Variants in RALGAPA2 observed in about 807,000 individuals in gnomAD.
RALGAPA2 encodes Ral GTPase activating protein catalytic subunit alpha 2.
A neutral mutation model predicts 230.4 loss-of-function variants in RALGAPA2; 139 were observed. The observed-to-expected ratio is 0.60, with a 90% CI of 0.53 to 0.69. The LOEUF is 0.69. Among genes scored for constraint, RALGAPA2 ranks in the 30% least tolerant of loss-of-function variants. The pLI, the probability that RALGAPA2 is intolerant of heterozygous loss-of-function variation, is 0.00. For synonymous variants in RALGAPA2, 847 were observed against 837.8 expected, an observed-to-expected ratio of 1.01 and a Z score of -0.19; for missense variants, 2,163 against 2,276.0, an observed-to-expected ratio of 0.95 and a Z score of 1.01.
At chr20:20,424,865 G>A (rs932120843) in intron 37 of RALGAPA2, among the ~76,000 whole-genome samples, 1 of 150,526 alleles carries the variant, frequency 6.6e-6, no homozygotes, top group Non-Finnish European at 1.5e-5. Flanking sequence ...TTGTGGCAAA[G>A]TATAAAAAGA....
chr20:20,507,281 TAA>T (rs2062562059), intron 33 of RALGAPA2, among the ~76,000 whole-genome samples: 1 of 152,252 alleles, frequency 6.6e-6, no homozygotes, highest in Non-Finnish European at 1.5e-5. Flanking sequence ...GCTTTCATTT[TAA>T]AAGACATTTT....
intron 37 of RALGAPA2, among the ~76,000 whole-genome samples, chr20:20,418,986 C>T (rs891035190): frequency 7.2e-5 from 11 of 152,186 alleles, no homozygotes; most frequent in African/African-American, 2.4e-4. Context: ...GTGATCCTTC[C>T]ACCTCAGCCT....
intron 37 of RALGAPA2, among the ~76,000 whole-genome samples, chr20:20,422,879 T>C (rs947786106): frequency 2.6e-5 from 4 of 152,158 alleles, no homozygotes; most frequent in South Asian, 4.1e-4. Flanking sequence ...AGGAAGCTGG[T>C]GGGTGGAGCG....
chr20:20,660,984 A>C (rs1161749016), intron 3 of RALGAPA2, among the ~76,000 whole-genome samples: 1 of 152,174 alleles, frequency 6.6e-6, no homozygotes, highest in Non-Finnish European at 1.5e-5. Flanking sequence ...GCCCTGTTTA[A>C]ATGTGTAAAA....
chr20:20,513,040 GGGTGTCTGAA>G lies in RALGAPA2; in HGVS notation c.4319_4328del (p.Leu1440ProfsTer6). On this transcript the variant is annotated frameshift_variant, in exon 32 of 40. Transcript: ENST00000202677. LOFTEE classifies it high-confidence loss of function. ...GTGATCCCCCTACCGGTCCTTCTGT[GGGTGTCTGAA>G]GGTAGGAGATGAGGGTGCTATCATT... is the stretch of plus-strand genomic sequence containing the variant. 6.2e-7 allele frequency: 1 copy of G among 1,612,480 alleles called. No individual in the cohort carries two copies. The highest frequency in any genetic ancestry group is 8.5e-7 in the Non-Finnish European group (1 of 1,179,320).
intron 27 of RALGAPA2, among the ~76,000 whole-genome samples, chr20:20,529,481 A>T (rs2063314331): frequency 6.6e-6 from 1 of 152,232 alleles, no homozygotes; most frequent in African/African-American, 2.4e-5. Context: ...AGAAATATAT[A>T]TACAGTCATG....
chr20:20,622,896 T>A (rs1169245332), intron 10 of RALGAPA2, among the ~76,000 whole-genome samples: 2 of 152,174 alleles, frequency 1.3e-5, no homozygotes, highest in African/African-American at 2.4e-5. Context: ...TTCATAATAA[T>A]AACAATGGCA....
chr20:20,425,928 C>T (rs899294223), intron 37 of RALGAPA2, among the ~76,000 whole-genome samples: 2 of 152,204 alleles, frequency 1.3e-5, no homozygotes, highest in African/African-American at 4.8e-5. Context: ...ATGCAACTGG[C>T]TCACTTAGGA....
chr20:20,589,382 A>G lies in RALGAPA2; in HGVS notation c.2342-17T>C. The G allele has an allele frequency of 6.4e-7, 1 of 1,567,908 alleles. No individual in the cohort carries two copies. The highest frequency in any genetic ancestry group is 8.7e-7 in the Non-Finnish European group (1 of 1,154,362). On this transcript the variant is annotated splice_polypyrimidine_tract_variant and intron_variant, in intron 17 of 39. Transcript: ENST00000202677. The stretch of plus-strand genomic sequence containing the variant: ...CCTTTTGACCTAGAAATGGTGGGGC[A>G]GGGGGGTAGCGGAAATAGAAGGAAT...
intron 23 of RALGAPA2, among the ~76,000 whole-genome samples, chr20:20,549,668 T>C (rs17741517): frequency 6.6e-6 from 1 of 152,102 alleles, no homozygotes; most frequent in African/African-American, 2.4e-5. Flanking sequence ...AAATTAGGAA[T>C]AACCACGTGG....
chr20:20,432,938 C>A (rs1214923173), intron 37 of RALGAPA2, among the ~76,000 whole-genome samples: 1 of 152,230 alleles, frequency 6.6e-6, no homozygotes, highest in Non-Finnish European at 1.5e-5. Context: ...AGAGCCTCCG[C>A]TCCAGCTGTC....
At position 20,465,420 on chromosome 20, in the gene RALGAPA2, G is replaced by A. The variant is rs193266714; in HGVS notation, c.5495+7409C>T. Among the ~76,000 whole-genome samples the A allele has an allele frequency of 3.3e-5, 5 of 152,284 alleles. No homozygotes were observed. The East Asian group carries it at 9.7e-4, about 29-fold the overall frequency. Reference sequence around the variant, plus strand: ...GGGTATAGCAGAGTGGCTGAGAGGAGACTCCCAGGTTAGGGGTCATCCCAG... The same window carrying A: ...GGGTATAGCAGAGTGGCTGAGAGGAAACTCCCAGGTTAGGGGTCATCCCAG... On this transcript the variant is annotated intron_variant, in intron 37 of 39. Transcript: ENST00000202677.
chr20:20,542,080 T>C (rs778205225), intron 24 of RALGAPA2, among the ~76,000 whole-genome samples: 26 of 152,168 alleles, frequency 1.7e-4, no homozygotes, highest in African/African-American at 6.0e-4. Context: ...ACAAAATCAA[T>C]GTGCAAAAAT....
chr20:20,492,089 T>G (rs2062074504), intron 36 of RALGAPA2, among the ~76,000 whole-genome samples: 4 of 152,212 alleles, frequency 2.6e-5, no homozygotes, highest in Admixed American at 2.6e-4. Flanking sequence ...CCTGTAAGCT[T>G]GTATTACAAA....
At chr20:20,570,498 T>C (rs1459179369) in intron 23 of RALGAPA2, among the ~76,000 whole-genome samples, 4 of 152,160 alleles carry the variant, frequency 2.6e-5, no homozygotes, top group Non-Finnish European at 5.9e-5. Flanking sequence ...TATTTACAAT[T>C]TAAAGGGTAA....
intron 37 of RALGAPA2, among the ~76,000 whole-genome samples, chr20:20,416,447 C>T (rs1170020372): frequency 6.6e-6 from 1 of 152,198 alleles, no homozygotes; most frequent in Non-Finnish European, 1.5e-5. Flanking sequence ...GGAATTAAGG[C>T]TACAGCCCAG....
intron 18 of RALGAPA2, 57 bp from the exon 19 acceptor site, chr20:20,585,012 C>T: frequency 8.6e-7 from 1 of 1,161,696 alleles, no homozygotes; most frequent in Non-Finnish European, 1.2e-6. Context: ...TGTTATAAGA[C>T]TTAAGTTTCT....
At chr20:20,704,098 T>C (rs766790065) in intron 1 of RALGAPA2, among the ~76,000 whole-genome samples, 1 of 152,056 alleles carries the variant, frequency 6.6e-6, no homozygotes, top group South Asian at 2.1e-4. Context: ...GCTCAGCAAA[T>C]GACTTCACCT....
At chr20:20,502,095 A>G (rs1423442628) in intron 35 of RALGAPA2, among the ~76,000 whole-genome samples, 1 of 152,218 alleles carries the variant, frequency 6.6e-6, no homozygotes, top group East Asian at 1.9e-4. Flanking sequence ...TGAGACAGAG[A>G]CACAAATGAG....
Sources: allele counts gnomAD v4.1 joint callset (sites outside exome capture counted in the v4.1 genomes callset), GRCh38; gene constraint gnomAD v4.1.1; transcripts MANE v1.5; gene names NCBI Gene and HGNC (gene_info 2026-07-23, HGNC 2026-07-21).